Variants in MPP2 observed in about 807,000 individuals in gnomAD.
MPP2 encodes MAGUK p55 subfamily member 2.
MPP2 carries 42 observed loss-of-function variants against 58.5 expected under a neutral mutation model. The ratio of observed to expected loss-of-function variants is 0.72; its 90% CI spans 0.56 to 0.93. The LOEUF (loss-of-function observed/expected upper bound fraction) is 0.93, where lower values mean the gene tolerates loss of function less well. Ranked by LOEUF, MPP2 falls within the 40% of genes least tolerant of loss-of-function variation. MPP2 has a pLI of 0.00. For synonymous variants in MPP2, 300 were observed against 307.8 expected, an observed-to-expected ratio of 0.97 and a Z score of 0.26; for missense variants, 632 against 760.4, an observed-to-expected ratio of 0.83 and a Z score of 1.99.
intron 6 of MPP2, 29 bp from the exon 7 acceptor site, chr17:43,881,618 GGGAA>G (rs750869048): frequency 6.2e-7 from 1 of 1,608,842 alleles, no homozygotes. Flanking sequence ...AAAGGGTCGG[GGGAA>G]GGGTCAGCAG....
Position 43,877,915 on chromosome 17 carries a change from G to A in MPP2, c.1551C>T (p.Asp517=). The A allele has an allele frequency of 6.2e-7, 1 of 1,614,084 alleles. No homozygotes were observed. ...RIQRGYGHYF[D]LCLVNSNLER... ...CCAGGTTGCTATTGACCAGGCAGAG[G>A]TCAAAGTAGTGCCCGTAGCCCCGCT... The change falls in exon 13 of 13, where the codon GAC becomes GAT. Residue 517 remains aspartate, a synonymous_variant. Transcript: ENST00000269095.
chr17:43,882,688 G>A (rs2047191455), intron 5 of MPP2, among the ~76,000 whole-genome samples, 177 bp from the exon 6 acceptor site: 1 of 150,076 alleles, frequency 6.7e-6, no homozygotes, highest in African/African-American at 2.5e-5. Context: ...TGAGGGGAGA[G>A]GTGGGCAGAC....
At chr17:43,888,567 G>A (rs2047465281) in intron 3 of MPP2, among the ~76,000 whole-genome samples, 1 of 152,222 alleles carries the variant, frequency 6.6e-6, no homozygotes, top group Non-Finnish European at 1.5e-5. Context: ...GGCAACCCTT[G>A]CATGGCTCTT....
At chr17:43,887,016 T>C (rs2143621853) in intron 3 of MPP2, among the ~76,000 whole-genome samples, 1 of 151,322 alleles carries the variant, frequency 6.6e-6, no homozygotes, top group East Asian at 2.0e-4. Flanking sequence ...GTTTGTCACT[T>C]GTCTTTTGAC....
Position 43,882,546 on chromosome 17 carries a change from A to G in MPP2, c.454-35T>C, listed in dbSNP as rs377284841. 3.7e-5 allele frequency: 58 copies of G among 1,587,622 alleles called. No homozygotes were observed. The African/African-American group carries it at 3.9e-4, about 11-fold the overall frequency. ...AGAGGGAGTGTAAGATGAGGCCCCA[A>G]TTGCTCCAAGTCAGAATCTTCAAAT... is the stretch of plus-strand genomic sequence containing the variant. On this transcript the variant is annotated intron_variant, in intron 5 of 12. Transcript: ENST00000269095.
rs2047062038 is a variant in MPP2, at chr17:43,880,544, C to T, written c.1150+147G>A. 2 of 868,844 alleles carry T rather than the reference C, an allele frequency of 2.3e-6. No homozygotes were observed. Among genetic ancestry groups the T allele is most frequent in the Non-Finnish European group, 3.3e-6 (2 of 607,454 alleles). The allele number at this position is 868,844 out of a possible 1,614,324, so 53.8% of individuals were successfully genotyped here. On this transcript the variant is annotated intron_variant, in intron 10 of 12. Coordinates refer to ENST00000269095, the MANE Select transcript of MPP2 (RefSeq NM_005374.5). This position sits in a 1 kb window ranked among gnomAD's most constrained non-coding sequence, Gnocchi z 5.2. The stretch of plus-strand genomic sequence containing the variant: ...CTGAGCCTGAAGTTCCCCTAACCAC[C>T]CACAGAGGGCGTGCACCCCAACCCG...
intron 2 of MPP2, chr17:43,901,474 C>A (rs2048094582): frequency 1.0e-6 from 1 of 985,356 alleles, no homozygotes; most frequent in Non-Finnish European, 1.2e-6. Flanking sequence ...CTCCGGTGAC[C>A]CCATTCCTCT....
At chr17:43,900,402 C>CGA in intron 2 of MPP2, 1 of 1,519,128 alleles carries the variant, frequency 6.6e-7, no homozygotes. Flanking sequence ...CCAGATGCCC[C>CGA]GACTCTGCTG....
chr17:43,904,567 C>T, intron 1 of MPP2, 74 bp from the exon 2 acceptor site: 1 of 1,356,014 alleles, frequency 7.4e-7, no homozygotes, highest in Non-Finnish European at 1.0e-6. Flanking sequence ...AGAGCCTCCC[C>T]TTCAGGACGA....
At position 43,876,638 on chromosome 17, in the gene MPP2, G is replaced by GAC. The variant is rs112263548; in HGVS notation, c.*1167_*1168dup. ...TTTGCTTCCTCCCCAAATTAAACCT[G>GAC]ACACACACACACACACACGCACGTG... On this transcript the variant is annotated 3_prime_UTR_variant, in exon 13 of 13. Transcript: ENST00000269095. The GAC allele has an allele frequency of 1.3e-3, 175 of 134,562 alleles. 2 individuals carry two copies. Among genetic ancestry groups the GAC allele is most frequent in the African/African-American group, 2.4e-3 (92 of 37,910 alleles). The allele number at this position is 134,562 out of a possible 1,614,324, so 8.3% of individuals were successfully genotyped here. A position where few individuals can be genotyped will look rare whatever the true frequency, so the allele number is the denominator to read the frequency against.
chr17:43,877,760 G>C lies in MPP2; in HGVS notation c.*47C>G, dbSNP rs1219359590. The C allele has an allele frequency of 6.6e-7, 1 of 1,524,150 alleles. No homozygotes were observed. The highest frequency in any genetic ancestry group is 9.1e-7 in the Non-Finnish European group (1 of 1,104,382). 94.4% of individuals were successfully genotyped at this position (1,524,150 alleles called of 1,614,324 possible). On this transcript the variant is annotated 3_prime_UTR_variant, in exon 13 of 13. Coordinates refer to ENST00000269095, the MANE Select transcript of MPP2 (RefSeq NM_005374.5). ...ACAGGTCAGGAGGGGGATGGATTCA[G>C]GTTCTGGGTTTCAACACAGAGTGAG...
intron 2 of MPP2, among the ~76,000 whole-genome samples, chr17:43,899,657 T>TGGA (rs1030411664): frequency 6.6e-6 from 1 of 152,140 alleles, no homozygotes; most frequent in African/African-American, 2.4e-5. Flanking sequence ...AAACAGGCAC[T>TGGA]GGAGGCCTTG....
chr17:43,907,198 C>T, intron 1 of MPP2: 3 of 985,588 alleles, frequency 3.0e-6, no homozygotes, highest in Non-Finnish European at 3.6e-6. Flanking sequence ...ACCGGGGCCC[C>T]TCACAGCTCA....
At chr17:43,894,893 T>A (rs369680035) in intron 3 of MPP2, among the ~76,000 whole-genome samples, 43 of 152,034 alleles carry the variant, frequency 2.8e-4, no homozygotes, top group African/African-American at 9.9e-4. Context: ...CAGTGAGCTA[T>A]AATTGTTCCA....
chr17:43,905,868 G>A (rs1041191583), intron 1 of MPP2, among the ~76,000 whole-genome samples: 1 of 152,164 alleles, frequency 6.6e-6, no homozygotes, highest in African/African-American at 2.4e-5. Context: ...ACAAAAGTGA[G>A]GGGGATGGTT....
Position 43,881,142 on chromosome 17 carries a change from G to A in MPP2, c.936C>T (p.Ser312=). The change falls in exon 9 of 13, where the codon AGC becomes AGT. Residue 312 remains serine (S), a synonymous_variant. Coordinates refer to ENST00000269095, the MANE Select transcript of MPP2 (RefSeq NM_005374.5). ...TTCGCTTCTTTTTCTTTCCTGAAAG[G>A]CTGCCGCATAGGGTCCCTGGCCATA... is the stretch of plus-strand genomic sequence containing the variant. ...LTPNSGTLCG[S]LSGKKKKRMM... 1 of 1,614,012 alleles carries A rather than the reference G, an allele frequency of 6.2e-7. No individual in the cohort carries two copies. The highest frequency in any genetic ancestry group is 8.5e-7 in the Non-Finnish European group (1 of 1,179,992).
At chr17:43,894,444 T>TATATATATATATATATATATAC (rs1437854675) in intron 3 of MPP2, among the ~76,000 whole-genome samples, 7 of 81,276 alleles carry the variant, frequency 8.6e-5, no homozygotes, top group Non-Finnish European at 1.5e-4. Context: ...TATATATATA[T>TATATATATATATATATATATAC]ACACACACAC....
Position 43,878,828 on chromosome 17 carries a change from C to G in MPP2, c.1482+447G>C, listed in dbSNP as rs189368439. 7.7e-3 allele frequency among the ~76,000 whole-genome samples: 1,177 copies of G among 152,334 alleles called. 59 individuals are homozygous for G. Among genetic ancestry groups the G allele is most frequent in the Admixed American group, 0.072 (1,106 of 15,304 alleles). The stretch of plus-strand genomic sequence containing the variant: ...CTGCAATGAGGCCTTGAAGCCTCTC[C>G]TCCAGGCGCTGCCTGCTCCCTGACG... On this transcript the variant is annotated intron_variant, in intron 12 of 12. Coordinates refer to ENST00000269095, the MANE Select transcript of MPP2 (RefSeq NM_005374.5).
intron 2 of MPP2, among the ~76,000 whole-genome samples, chr17:43,899,641 C>T (rs2048003416): frequency 6.6e-6 from 1 of 152,076 alleles, no homozygotes; most frequent in Non-Finnish European, 1.5e-5. Flanking sequence ...CTGGCAGGAG[C>T]TAGGGAAACA....
Sources: gnomAD v4.1 joint callset for allele counts (sites outside exome capture counted in the v4.1 genomes callset) on GRCh38, gnomAD v4.1.1 for gene constraint, Gnocchi (gnomAD v3.1) non-coding constraint, MANE v1.5 for transcripts, NCBI Gene and HGNC (gene_info 2026-07-23, HGNC 2026-07-21) for gene names.